The following PIK3C3 variants were observed in gnomAD, a reference collection of about 807,000 sequenced individuals.
The protein encoded by PIK3C3 is PI3-kinase type 3.
A neutral mutation model predicts 126.1 loss-of-function variants in PIK3C3; 95 were observed. The ratio of observed to expected loss-of-function variants is 0.75; its 90% CI spans 0.64 to 0.89. The LOEUF is 0.89. Among genes scored for constraint, PIK3C3 ranks in the 40% least tolerant of loss-of-function variants. PIK3C3 has a pLI of 0.00. For missense variants in PIK3C3, 829 were observed against 1,063.2 expected, an observed-to-expected ratio of 0.78 and a Z score of 3.06; for synonymous variants, 374 against 360.0, an observed-to-expected ratio of 1.04 and a Z score of -0.44.
intron 24 of PIK3C3, among the ~76,000 whole-genome samples, chr18:42,076,165 C>CACAT (rs1986011611): frequency 9.6e-6 from 1 of 103,676 alleles, no homozygotes. Context: ...TATATATGCA[C>CACAT]ATATATATAT....
At chr18:41,998,351 G>A (rs1016606043) in intron 9 of PIK3C3, among the ~76,000 whole-genome samples, 10 of 152,228 alleles carry the variant, frequency 6.6e-5, no homozygotes, top group Admixed American at 1.3e-4. Context: ...GTTAAATGAA[G>A]AATAACCTTG....
At chr18:42,054,952 G>C (rs1984995339) in intron 21 of PIK3C3, among the ~76,000 whole-genome samples, 1 of 151,460 alleles carries the variant, frequency 6.6e-6, no homozygotes, top group Non-Finnish European at 1.5e-5. Context: ...AACTTATGTA[G>C]TTCTTATTTG....
At chr18:42,004,626 A>T in intron 10 of PIK3C3, 85 bp downstream of exon 10, 1 of 1,034,122 alleles carries the variant, frequency 9.7e-7, no homozygotes. Flanking sequence ...TGTGTGTGAG[A>T]GTGAGAGAGA....
intron 5 of PIK3C3, among the ~76,000 whole-genome samples, chr18:41,988,864 A>C (rs1981630008): frequency 6.6e-6 from 1 of 152,164 alleles, no homozygotes; most frequent in Non-Finnish European, 1.5e-5. Flanking sequence ...GAGTTTACTC[A>C]TAATACTAAC....
chr18:41,960,040 G>A lies in PIK3C3; in HGVS notation c.257+2282G>A, dbSNP rs537682800. ...GGGATCTCTTGCTATCCAAATTTTTGCATTCCTTAGTTCAGATAGTATTTT... is the reference window on the plus strand; with the variant it reads ...GGGATCTCTTGCTATCCAAATTTTTACATTCCTTAGTTCAGATAGTATTTT... On this transcript the variant is annotated intron_variant, in intron 2 of 24. Coordinates refer to ENST00000262039, the MANE Select transcript of PIK3C3 (RefSeq NM_002647.4). Among the ~76,000 whole-genome samples the A allele has an allele frequency of 2.6e-5, 4 of 152,242 alleles. No homozygotes were observed. The East Asian group carries it at 7.7e-4, about 29-fold the overall frequency.
At chr18:42,024,170 C>T (rs1343662643) in intron 13 of PIK3C3, among the ~76,000 whole-genome samples, 3 of 152,120 alleles carry the variant, frequency 2.0e-5, no homozygotes, top group Non-Finnish European at 4.4e-5. Context: ...ATAAAATTGC[C>T]AGGAAACAGG....
chr18:41,966,464 C>T (rs949363064), intron 3 of PIK3C3, among the ~76,000 whole-genome samples: 1 of 152,166 alleles, frequency 6.6e-6, no homozygotes, highest in Non-Finnish European at 1.5e-5. Context: ...GCCACTATGC[C>T]TGGCCTATTG....
At chr18:42,058,149 C>A in intron 22 of PIK3C3, 98 bp downstream of exon 22, 1 of 960,500 alleles carries the variant, frequency 1.0e-6, no homozygotes, top group Non-Finnish European at 1.5e-6. Context: ...TAGCATTGAT[C>A]ACTTTTTCAA....
At chr18:41,980,235 T>C (rs967574248) in intron 4 of PIK3C3, among the ~76,000 whole-genome samples, 9 of 152,188 alleles carry the variant, frequency 5.9e-5, no homozygotes, top group Non-Finnish European at 1.3e-4. Context: ...GTAAGAAATA[T>C]CTATACTTGG....
rs375857500 is a variant in PIK3C3, at chr18:42,063,732, T to TTTA, written c.2433-991_2433-989dup. 1.7e-3 allele frequency among the ~76,000 whole-genome samples: 261 copies of TTTA among 151,898 alleles called. 1 individual carries two copies. The highest frequency in any genetic ancestry group is 5.7e-3 in the African/African-American group (238 of 41,488). ...TTAAGTATTAAGTAACAGTTCGTAT[T>TTTA]TTATTATTATTATTATTATCATTAT... On this transcript the variant is annotated intron_variant, in intron 22 of 24. Coordinates refer to ENST00000262039, the MANE Select transcript of PIK3C3 (RefSeq NM_002647.4).
intron 16 of PIK3C3, among the ~76,000 whole-genome samples, chr18:42,035,233 A>G (rs985957647): frequency 9.9e-5 from 15 of 152,194 alleles, no homozygotes; most frequent in African/African-American, 3.4e-4. Flanking sequence ...GGTAATATAC[A>G]TATAACAACT....
In PIK3C3 at chr18:41,970,532, ACT is replaced by A. The variant is rs765751422; in HGVS notation, c.531+79_531+80del. 3.9e-6 allele frequency: 5 copies of A among 1,269,962 alleles called. No homozygotes were observed. In the African/African-American group the frequency reaches 4.4e-5, roughly 11 times the overall value. 78.7% of individuals were successfully genotyped at this position (1,269,962 alleles called of 1,614,324 possible). A position where few individuals can be genotyped will look rare whatever the true frequency, so the allele number is the denominator to read the frequency against. ...TAGTATATATACCTTGACATTATGA[ACT>A]CTGTCAGATTTTTAAAAAATCTAAA... is the stretch of plus-strand genomic sequence containing the variant. On this transcript the variant is annotated intron_variant, in intron 4 of 24. Transcript: ENST00000262039.
chr18:41,955,496 C>G (rs1306050753), intron 1 of PIK3C3, 137 bp downstream of exon 1: 12 of 687,784 alleles, frequency 1.7e-5, no homozygotes, highest in Non-Finnish European at 2.3e-5. Context: ...AGGGCTGTAG[C>G]CAGGGAGGCG....
At position 41,990,453 on chromosome 18, in the gene PIK3C3, T is replaced by TTTC; in HGVS notation, c.619-5_619-3dup. On this transcript the variant is annotated splice_region_variant and splice_polypyrimidine_tract_variant and intron_variant, in intron 5 of 24. Coordinates refer to ENST00000262039, the MANE Select transcript of PIK3C3 (RefSeq NM_002647.4). ...CATTTTTCATGAAAATCATTTTTTTTTTCAGAGTGAAAAACGAAGTTCTAA... is the reference window on the plus strand; with the variant it reads ...CATTTTTCATGAAAATCATTTTTTTTTTCTTCAGAGTGAAAAACGAAGTTCTAA... 1 of 1,501,398 alleles carries TTTC rather than the reference T, an allele frequency of 6.7e-7. No individual in the cohort carries two copies. The highest frequency in any genetic ancestry group is 9.3e-7 in the Non-Finnish European group (1 of 1,079,222). The allele number at this position is 1,501,398 out of a possible 1,614,324, so 93.0% of individuals were successfully genotyped here.
chr18:41,960,836 G>A (rs961454298), intron 2 of PIK3C3, among the ~76,000 whole-genome samples: 3 of 151,528 alleles, frequency 2.0e-5, no homozygotes, highest in African/African-American at 7.3e-5. Flanking sequence ...TTCACCCTCT[G>A]GGTTCAAGCA....
intron 4 of PIK3C3, 37 bp from the exon 5 acceptor site, chr18:41,987,774 TG>T (rs1981564035): frequency 7.3e-7 from 1 of 1,370,364 alleles, no homozygotes; most frequent in Admixed American, 1.7e-5. Flanking sequence ...TTCTACTAGA[TG>T]TATATTAAAA....
intron 4 of PIK3C3, among the ~76,000 whole-genome samples, chr18:41,979,991 A>T (rs1981116882): frequency 6.6e-6 from 1 of 151,982 alleles, no homozygotes; most frequent in Non-Finnish European, 1.5e-5. Flanking sequence ...CTGGATTCTG[A>T]ATACACTTCC....
At chr18:42,023,746 A>G (rs1008201321) in intron 13 of PIK3C3, among the ~76,000 whole-genome samples, 8 of 152,246 alleles carry the variant, frequency 5.3e-5, no homozygotes, top group Non-Finnish European at 1.0e-4. Context: ...TGAGCATATA[A>G]AAATAATAAA....
intron 24 of PIK3C3, among the ~76,000 whole-genome samples, chr18:42,071,625 C>T (rs1598956435): frequency 1.3e-5 from 2 of 151,158 alleles, no homozygotes; most frequent in South Asian, 2.1e-4. Context: ...GAGGCTGAGG[C>T]AGGAGAATCA....
Sources: allele counts gnomAD v4.1 joint callset (sites outside exome capture counted in the v4.1 genomes callset), GRCh38; gene constraint gnomAD v4.1.1; transcripts MANE v1.5; gene names NCBI Gene and HGNC (gene_info 2026-07-23, HGNC 2026-07-21).